OR6B1: variants seen among roughly 807,000 people sequenced by gnomAD.
OR6B1 encodes the protein olfactory receptor family 6 subfamily B member 1, also known as olfactory receptor 6B1.
Under a neutral mutation model 15.4 loss-of-function variants are expected in OR6B1, and 15 were observed. The ratio of observed to expected loss-of-function variants is 0.97; its 90% CI spans 0.65 to 1.50. The LOEUF is 1.50. Ranked by LOEUF, OR6B1 falls within the 40% of genes most tolerant of loss-of-function variation. The pLI, the probability that OR6B1 is intolerant of heterozygous loss-of-function variation, is 0.00. For missense variants in OR6B1, 384 were observed against 385.0 expected (o/e 1.00, Z 0.02); for synonymous variants, 139 against 144.9 (o/e 0.96, Z 0.29).
intron 1 of OR6B1, among the ~76,000 whole-genome samples, chr7:144,003,482 T>C (rs950093431): frequency 6.6e-6 from 1 of 152,150 alleles, no homozygotes; most frequent in African/African-American, 2.4e-5. Context: ...TCATAGGTGA[T>C]GACAGCTACT....
Position 144,005,666 on chromosome 7 carries a change from TTC to T in OR6B1, c.*738_*739del, listed in dbSNP as rs1436344826. 3.3e-5 allele frequency: 5 copies of T among 152,162 alleles called. No homozygotes were observed. The highest frequency in any genetic ancestry group is 3.3e-4 in the Admixed American group (5 of 15,282). The allele number at this position is 152,162 out of a possible 1,614,324, so 9.4% of individuals were successfully genotyped here. A position where few individuals can be genotyped will look rare whatever the true frequency, so the allele number is the denominator to read the frequency against. On this transcript the variant is annotated 3_prime_UTR_variant, in exon 2 of 2. Transcript: ENST00000641698. Reference sequence around the variant, plus strand: ...GCCAAACAATAATTGCCCTCATTACTTCTCTTTTCTTTTGATCTTGATATCCT... The same window carrying T: ...GCCAAACAATAATTGCCCTCATTACTTCTTTTCTTTTGATCTTGATATCCT...
chr7:144,008,447 GC>G lies in OR6B1; in HGVS notation c.*3517del, dbSNP rs1262564615. On this transcript the variant is annotated 3_prime_UTR_variant, in exon 2 of 2. Transcript: ENST00000641698. The stretch of plus-strand genomic sequence containing the variant: ...TGAGGGACATTGAAGAGACTGAGCA[GC>G]CAGAGCAGTGAGAAAAGGGTAAGCA... 1.3e-5 allele frequency: 2 copies of G among 152,176 alleles called. No homozygotes were observed. Among genetic ancestry groups the G allele is most frequent in the African/African-American group, 4.8e-5 (2 of 41,414 alleles). 9.4% of individuals were successfully genotyped at this position (152,176 alleles called of 1,614,324 possible).
rs771552304 is a variant in OR6B1, at chr7:144,004,532, G to A, written c.536G>A (p.Cys179Tyr). The change falls in exon 2 of 2, where the codon TGT (cysteine) becomes TAT (tyrosine). Residue 179 changes from cysteine to tyrosine, a missense_variant. Cys to Tyr is a radical substitution (Grantham distance 194). Transcript: ENST00000641698. The part of the protein sequence containing the change: ...CGPNVINHFF[C>Y]DISPVLNLSC... Reference sequence around the variant, plus strand: ...CCCAATGTCATCAACCACTTCTTCTGTGACATCTCTCCAGTACTTAATCTC... The same window carrying A: ...CCCAATGTCATCAACCACTTCTTCTATGACATCTCTCCAGTACTTAATCTC... 1.2e-6 allele frequency: 2 copies of A among 1,614,154 alleles called. No individual in the cohort carries two copies. The highest frequency in any genetic ancestry group is 3.3e-5 in the Admixed American group (2 of 60,008).
At chr7:144,002,401 T>A (rs1307272999) in intron 1 of OR6B1, among the ~76,000 whole-genome samples, 1 of 152,232 alleles carries the variant, frequency 6.6e-6, no homozygotes, top group Admixed American at 6.5e-5. Context: ...TAGTAAATGA[T>A]GCCATCTAAC....
In OR6B1 at chr7:144,004,943, C is replaced by G; in HGVS notation, c.*11C>G. ...AGCAGATCTGACTAGTCAATTACAG[C>G]TGATTAGAAAGAAAGGTCTGAGTGG... On this transcript the variant is annotated 3_prime_UTR_variant, in exon 2 of 2. Coordinates refer to ENST00000641698, the MANE Select transcript of OR6B1 (RefSeq NM_001005281.3). The G allele has an allele frequency of 6.4e-7, 1 of 1,566,618 alleles. No individual in the cohort carries two copies. The highest frequency in any genetic ancestry group is 1.2e-5 in the South Asian group (1 of 85,252).
In OR6B1 at chr7:144,004,379, G is replaced by C. The variant is rs766092045; in HGVS notation, c.383G>C (p.Arg128Pro). Residue 128 changes from arginine (R) to proline (P), a missense_variant, in exon 2 of 2, where the codon CGC becomes CCC. Transcript: ENST00000641698. ...MAYDRYVAICRPLHYPTIMSH... is the reference protein window; with the variant it reads ...MAYDRYVAICPPLHYPTIMSH... ...TATGACCGGTATGTGGCCATCTGTCGCCCACTCCACTACCCAACCATAATG... is the reference window on the plus strand; with the variant it reads ...TATGACCGGTATGTGGCCATCTGTCCCCCACTCCACTACCCAACCATAATG... 2.5e-6 allele frequency: 4 copies of C among 1,614,044 alleles called. No individual in the cohort carries two copies. The highest frequency in any genetic ancestry group is 2.2e-5 in the East Asian group (1 of 44,884).
chr7:144,006,794 C>T lies in OR6B1; in HGVS notation c.*1862C>T, dbSNP rs2050628012. Reference sequence around the variant, plus strand: ...TATTCACCATGTGACCTTGGCCAAACCATCTATACTTTTGGAAACACTGAG... The same window carrying T: ...TATTCACCATGTGACCTTGGCCAAATCATCTATACTTTTGGAAACACTGAG... On this transcript the variant is annotated 3_prime_UTR_variant, in exon 2 of 2. Transcript: ENST00000641698. The T allele has an allele frequency of 6.6e-6, 1 of 152,290 alleles. No individual in the cohort carries two copies. The highest frequency in any genetic ancestry group is 6.5e-5 in the Admixed American group (1 of 15,286). The allele number at this position is 152,290 out of a possible 1,614,324, so 9.4% of individuals were successfully genotyped here.
Sources: gnomAD v4.1 joint callset for allele counts (sites outside exome capture counted in the v4.1 genomes callset) on GRCh38, gnomAD v4.1.1 for gene constraint, MANE v1.5 for transcripts, NCBI Gene and HGNC (gene_info 2026-07-23, HGNC 2026-07-21) for gene names.